PTPN9: variants seen among roughly 807,000 people sequenced by gnomAD.
PTPN9 encodes the protein tyrosine-protein phosphatase non-receptor type 9.
A neutral mutation model predicts 69.8 loss-of-function variants in PTPN9; 26 were observed. That is an observed-to-expected ratio of 0.37 (90% confidence interval 0.27 to 0.52). The LOEUF is 0.52. PTPN9 is among the 20% of genes least tolerant of loss of function. The probability of loss-of-function intolerance (pLI) is 0.91; values close to 1 mark genes in which losing one functional copy is unlikely to be tolerated. For synonymous variants in PTPN9, 274 were observed against 272.5 expected (o/e 1.01, Z -0.05); for missense variants, 549 against 740.3 (o/e 0.74, Z 3.00).
At chr15:75,486,775 T>A (rs984201818) in intron 8 of PTPN9, among the ~76,000 whole-genome samples, 1 of 149,086 alleles carries the variant, frequency 6.7e-6, no homozygotes, top group African/African-American at 2.5e-5. Flanking sequence ...GTAATGCATA[T>A]GTGGTGTTTT....
chr15:75,530,875 A>ATATTATATAT (rs1254561882), intron 1 of PTPN9, among the ~76,000 whole-genome samples: 1 of 114,804 alleles, frequency 8.7e-6, no homozygotes, highest in Non-Finnish European at 1.7e-5. Flanking sequence ...ATATTACGAT[A>ATATTATATAT]TATTATATAT....
At chr15:75,501,464 C>CTTTTT (rs745478766) in intron 7 of PTPN9, among the ~76,000 whole-genome samples, 5 of 122,162 alleles carry the variant, frequency 4.1e-5, no homozygotes, top group African/African-American at 6.1e-5. Context: ...TTCTTTCTTT[C>CTTTTT]TTTTTTTTTT....
intron 7 of PTPN9, among the ~76,000 whole-genome samples, chr15:75,503,940 G>A (rs1237815055): frequency 2.5e-5 from 3 of 119,586 alleles, no homozygotes; most frequent in South Asian, 2.7e-4. Context: ...CGCCCCGTCC[G>A]GGAGGTGAGG....
chr15:75,539,950 G>A (rs1168992721), intron 1 of PTPN9, among the ~76,000 whole-genome samples: 1 of 152,204 alleles, frequency 6.6e-6, no homozygotes, highest in Non-Finnish European at 1.5e-5. Flanking sequence ...AAAGTGCTGC[G>A]ATTATAGGCA....
chr15:75,484,348 G>A (rs1456954953), intron 8 of PTPN9, among the ~76,000 whole-genome samples: 1 of 152,200 alleles, frequency 6.6e-6, no homozygotes, highest in African/African-American at 2.4e-5. Flanking sequence ...GGCAAAATAT[G>A]AATGGAGAAG....
intron 8 of PTPN9, chr15:75,487,312 G>T (rs528750338): frequency 6.1e-5 from 9 of 147,100 alleles, no homozygotes; most frequent in Admixed American, 3.4e-4. Flanking sequence ...CTTTCGGCCC[G>T]CAAAGTAAAT....
rs1294947868 is a variant in PTPN9, at chr15:75,465,816, C to T, written c.*2953G>A. 1 of 152,202 alleles carries T rather than the reference C, an allele frequency of 6.6e-6. No homozygotes were observed. Among genetic ancestry groups the T allele is most frequent in the East Asian group, 1.9e-4 (1 of 5,198 alleles). 9.4% of individuals were successfully genotyped at this position (152,202 alleles called of 1,614,324 possible). On this transcript the variant is annotated 3_prime_UTR_variant, in exon 13 of 13. Coordinates refer to ENST00000618819, the MANE Select transcript of PTPN9 (RefSeq NM_002833.4). ...TTAAATTCACAGGGCAGTCGGGTTA[C>T]AGCCTCTTCAAATAAATGACAATTT...
chr15:75,535,568 G>T (rs76126845), intron 1 of PTPN9, among the ~76,000 whole-genome samples: 5,478 of 152,290 alleles, frequency 0.036, 133 homozygotes, highest in Middle Eastern at 0.16. Context: ...AATGCAGTCA[G>T]TCATCCTGCA....
At chr15:75,508,745 T>A (rs2074832305) in intron 6 of PTPN9, among the ~76,000 whole-genome samples, 172 bp downstream of exon 6, 1 of 152,220 alleles carries the variant, frequency 6.6e-6, no homozygotes, top group African/African-American at 2.4e-5. Context: ...AGAGAGGCAG[T>A]CTGTATTGAA....
At chr15:75,469,656 G>T in intron 12 of PTPN9, 136 bp downstream of exon 12, 1 of 953,946 alleles carries the variant, frequency 1.0e-6, no homozygotes, top group Non-Finnish European at 1.6e-6. Context: ...TTAGATGAGG[G>T]ATTTTTCACA....
At chr15:75,479,656 C>CA (rs1468045292) in intron 9 of PTPN9, among the ~76,000 whole-genome samples, 192 bp downstream of exon 9, 1 of 152,156 alleles carries the variant, frequency 6.6e-6, no homozygotes, top group Admixed American at 6.5e-5. Context: ...AGTTTCCAGG[C>CA]ACACCTGGTA....
chr15:75,537,753 C>CA (rs1164644727), intron 1 of PTPN9, among the ~76,000 whole-genome samples: 608 of 11,032 alleles, frequency 0.055, 30 homozygotes, highest in African/African-American at 0.088. Context: ...GACTCCATCT[C>CA]AAAAAAAAAA....
chr15:75,529,180 T>C (rs1278188037), intron 1 of PTPN9, among the ~76,000 whole-genome samples: 4 of 151,658 alleles, frequency 2.6e-5, no homozygotes, highest in Admixed American at 6.6e-5. Context: ...AGAGGCAAGG[T>C]TTCACCATAT....
chr15:75,513,968 G>A (rs1278214225), intron 5 of PTPN9, among the ~76,000 whole-genome samples: 1 of 151,648 alleles, frequency 6.6e-6, no homozygotes. Flanking sequence ...GTGTGGTGAC[G>A]AGCACCTGTA....
At chr15:75,549,402 T>C (rs1434170935) in intron 1 of PTPN9, among the ~76,000 whole-genome samples, 1 of 151,990 alleles carries the variant, frequency 6.6e-6, no homozygotes, top group South Asian at 2.1e-4. Context: ...GGTTTCACCA[T>C]GTTGCCCAAG....
At chr15:75,510,923 T>C (rs1460156388) in intron 5 of PTPN9, among the ~76,000 whole-genome samples, 1 of 152,210 alleles carries the variant, frequency 6.6e-6, no homozygotes, top group East Asian at 1.9e-4. Flanking sequence ...TCTGTCTCTA[T>C]GAATTTGCCT....
At chr15:75,473,645 A>G (rs1447206660) in intron 10 of PTPN9, 44 bp downstream of exon 10, 6 of 1,437,290 alleles carry the variant, frequency 4.2e-6, no homozygotes, top group Non-Finnish European at 5.9e-6. Context: ...ATGCCTAGGG[A>G]CAGAGTGGAG....
intron 1 of PTPN9, among the ~76,000 whole-genome samples, chr15:75,575,010 G>GTTTTTTTTTTTTT (rs1567533120): frequency 1.9e-4 from 3 of 15,768 alleles, no homozygotes; most frequent in Non-Finnish European, 2.5e-4. Context: ...TTGAGACAGA[G>GTTTTTTTTTTTTT]GAGACGGAGT....
At chr15:75,497,084 TAGAA>T (rs1404885531) in intron 7 of PTPN9, among the ~76,000 whole-genome samples, 1 of 152,054 alleles carries the variant, frequency 6.6e-6, no homozygotes, top group Non-Finnish European at 1.5e-5. Context: ...CAAAATCAAC[TAGAA>T]AGAAATATCA....
Sources: allele counts gnomAD v4.1 joint callset (sites outside exome capture counted in the v4.1 genomes callset), GRCh38; gene constraint gnomAD v4.1.1; transcripts MANE v1.5; gene names NCBI Gene and HGNC (gene_info 2026-07-23, HGNC 2026-07-21).